FOLH1: variants seen among roughly 807,000 people sequenced by gnomAD.
FOLH1 encodes the protein glutamate carboxypeptidase 2.
FOLH1 carries 54 observed loss-of-function variants against 93.9 expected under a neutral mutation model. That is an observed-to-expected ratio of 0.57 (90% CI 0.46 to 0.72). FOLH1 has a LOEUF of 0.72. Ranked by LOEUF, FOLH1 falls within the 30% of genes least tolerant of loss-of-function variation. FOLH1 has a pLI of 0.00. For synonymous variants in FOLH1, 249 were observed against 303.6 expected, an observed-to-expected ratio of 0.82 and a Z score of 1.87; for missense variants, 571 against 892.5, an observed-to-expected ratio of 0.64 and a Z score of 4.59.
intron 9 of FOLH1, 120 bp from the exon 10 acceptor site, chr11:49,173,596 G>A: frequency 1.0e-6 from 1 of 969,078 alleles, no homozygotes; most frequent in Non-Finnish European, 1.4e-6. Flanking sequence ...AAAAGGCTAG[G>A]TTCCCCAAGA....
At chr11:49,193,685 A>G (rs1377092277) in intron 3 of FOLH1, among the ~76,000 whole-genome samples, 3 of 152,206 alleles carry the variant, frequency 2.0e-5, no homozygotes, top group African/African-American at 7.2e-5. Context: ...ATAGTAAGGA[A>G]TATTCAGAAG....
At chr11:49,161,734 T>A (rs1857724095) in intron 13 of FOLH1, among the ~76,000 whole-genome samples, 1 of 152,150 alleles carries the variant, frequency 6.6e-6, no homozygotes, top group African/African-American at 2.4e-5. Context: ...TCTGTGTACT[T>A]CAGTGTGTTT....
chr11:49,206,243 T>A, intron 1 of FOLH1, 71 bp from the exon 2 acceptor site: 1 of 1,598,638 alleles, frequency 6.3e-7, no homozygotes, highest in South Asian at 1.1e-5. Context: ...ATTATTGTTG[T>A]ATGTATTATT....
chr11:49,151,406 G>T (rs985229415), intron 17 of FOLH1, among the ~76,000 whole-genome samples: 1 of 150,186 alleles, frequency 6.7e-6, no homozygotes, highest in Admixed American at 6.6e-5. Flanking sequence ...GCGCGCGTGC[G>T]CGTGCGTGCA....
chr11:49,184,605 A>G (rs950584690), intron 6 of FOLH1, among the ~76,000 whole-genome samples: 1 of 152,200 alleles, frequency 6.6e-6, no homozygotes, highest in South Asian at 2.1e-4. Context: ...AAAGAAAAAA[A>G]TCTCTGACAA....
chr11:49,172,333 A>G (rs1301168770), intron 10 of FOLH1, among the ~76,000 whole-genome samples: 2 of 152,188 alleles, frequency 1.3e-5, no homozygotes, highest in Non-Finnish European at 2.9e-5. Flanking sequence ...TTCTTCAAAT[A>G]TAAGATAGCT....
intron 13 of FOLH1, among the ~76,000 whole-genome samples, chr11:49,160,849 A>G (rs1418763210): frequency 3.3e-5 from 5 of 152,282 alleles, no homozygotes; most frequent in African/African-American, 1.2e-4. Context: ...TGTTCTCATT[A>G]GTTTCAAAGA....
intron 2 of FOLH1, among the ~76,000 whole-genome samples, chr11:49,203,360 T>C (rs1863490293): frequency 6.6e-6 from 1 of 152,212 alleles, no homozygotes; most frequent in Non-Finnish European, 1.5e-5. Context: ...GAAAAAAAGC[T>C]GCTCCTAATT....
At chr11:49,161,991 C>T (rs1009162188) in intron 13 of FOLH1, among the ~76,000 whole-genome samples, 10 of 152,280 alleles carry the variant, frequency 6.6e-5, no homozygotes, top group African/African-American at 2.4e-4. Flanking sequence ...GCTGAGAGGT[C>T]CACTGTTAGG....
At chr11:49,171,823 C>T (rs1256841484) in intron 10 of FOLH1, among the ~76,000 whole-genome samples, 1 of 151,926 alleles carries the variant, frequency 6.6e-6, no homozygotes, top group African/African-American at 2.4e-5. Flanking sequence ...TGATGTGTCT[C>T]GGAGGTTATA....
chr11:49,151,244 G>C (rs1308495342), intron 17 of FOLH1, among the ~76,000 whole-genome samples: 2 of 152,188 alleles, frequency 1.3e-5, no homozygotes, highest in Non-Finnish European at 2.9e-5. Context: ...TAGTATAAAG[G>C]TAAATGAAAC....
chr11:49,171,957 CAA>C (rs1164958919), intron 10 of FOLH1, among the ~76,000 whole-genome samples: 1 of 151,934 alleles, frequency 6.6e-6, no homozygotes, highest in Non-Finnish European at 1.5e-5. Context: ...ATACAAGGAA[CAA>C]GAGAGTAAAG....
chr11:49,185,524 C>G, intron 6 of FOLH1, 145 bp downstream of exon 6: 1 of 1,074,090 alleles, frequency 9.3e-7, no homozygotes. Context: ...CTGAACCAAT[C>G]ACTTTAGAGT....
rs1855798553 is a variant in FOLH1 at position 49,146,667 on chromosome 11, C to G, written c.*89G>C. On this transcript the variant is annotated 3_prime_UTR_variant, in exon 19 of 19. Coordinates refer to ENST00000256999, the MANE Select transcript of FOLH1 (RefSeq NM_004476.3). ...AATATTCAACTTTATTTCAAATATACCAATTTTAAAATTTATCAATATACC... is the reference window on the plus strand; with the variant it reads ...AATATTCAACTTTATTTCAAATATAGCAATTTTAAAATTTATCAATATACC... The G allele has an allele frequency of 3.3e-6, 4 of 1,226,114 alleles. No homozygotes were observed. The South Asian group carries it at 7.2e-5, about 22-fold the overall frequency. 76.0% of individuals were successfully genotyped at this position (1,226,114 alleles called of 1,614,324 possible). A position where few individuals can be genotyped will look rare whatever the true frequency, so the allele number is the denominator to read the frequency against.
intron 3 of FOLH1, among the ~76,000 whole-genome samples, chr11:49,198,116 G>A (rs1162067657): frequency 6.7e-6 from 1 of 148,588 alleles, no homozygotes; most frequent in Non-Finnish European, 1.5e-5. Context: ...TAATACAAAA[G>A]TAAATAATGA....
intron 18 of FOLH1, among the ~76,000 whole-genome samples, 168 bp downstream of exon 18, chr11:49,148,471 A>T (rs1466983905): frequency 6.6e-6 from 1 of 151,822 alleles, no homozygotes; most frequent in Non-Finnish European, 1.5e-5. Context: ...CAAAAATCAT[A>T]TTACATTATA....
At chr11:49,185,500 A>C (rs1861258558) in intron 6 of FOLH1, 169 bp downstream of exon 6, 1 of 856,210 alleles carries the variant, frequency 1.2e-6, no homozygotes, top group African/African-American at 1.8e-5. Flanking sequence ...TTTCAAAATA[A>C]GGGGGTAAGG....
rs1841016507 is a variant in FOLH1 at position 49,146,622 on chromosome 11, ACACT to A, written c.*130_*133del. ...ACAATATAAACACACACATATATAA[ACACT>A]CACATAACTATATATAATATTCAAC... On this transcript the variant is annotated 3_prime_UTR_variant, in exon 19 of 19. Transcript: ENST00000256999. The A allele has an allele frequency of 1.5e-6, 1 of 658,436 alleles. No homozygotes were observed. The highest frequency in any genetic ancestry group is 2.7e-5 in the South Asian group (1 of 37,324). 40.8% of individuals were successfully genotyped at this position (658,436 alleles called of 1,614,324 possible).
At chr11:49,167,043 CAACAAA>C (rs779506046) in intron 12 of FOLH1, among the ~76,000 whole-genome samples, 40 of 108,228 alleles carry the variant, frequency 3.7e-4, no homozygotes, top group Middle Eastern at 0.011. Flanking sequence ...ACAACAACAA[CAACAAA>C]AAAAAACAGA....
Sources: gnomAD v4.1 joint callset for allele counts (sites outside exome capture counted in the v4.1 genomes callset) on GRCh38, gnomAD v4.1.1 for gene constraint, MANE v1.5 for transcripts, NCBI Gene and HGNC (gene_info 2026-07-23, HGNC 2026-07-21) for gene names.